The following TANC2 variants were observed in gnomAD, a reference collection of about 807,000 sequenced individuals.
TANC2 encodes the protein protein TANC2.
TANC2 carries 26 observed loss-of-function variants against 210.5 expected under a neutral mutation model. The observed-to-expected ratio is 0.12, with a 90% CI of 0.09 to 0.17. TANC2 has a LOEUF of 0.17. TANC2 is among the 10% of genes least tolerant of loss of function. The probability of loss-of-function intolerance (pLI) is 1.00; values close to 1 mark genes in which losing one functional copy is unlikely to be tolerated. For missense variants in TANC2, 2,129 were observed against 2,608.9 expected, an observed-to-expected ratio of 0.82 and a Z score of 4.01; for synonymous variants, 931 against 967.1, an observed-to-expected ratio of 0.96 and a Z score of 0.69.
At chr17:63,318,661 C>G (rs1333269572) in intron 10 of TANC2, among the ~76,000 whole-genome samples, 2 of 152,166 alleles carry the variant, frequency 1.3e-5, no homozygotes, top group Non-Finnish European at 2.9e-5. Context: ...TATCCCCGTT[C>G]TAGCATGTAT....
chr17:63,403,355 G>T (rs1220625209), intron 19 of TANC2, among the ~76,000 whole-genome samples: 1 of 152,136 alleles, frequency 6.6e-6, no homozygotes, highest in Non-Finnish European at 1.5e-5. Flanking sequence ...ATGTGGGTTA[G>T]AAATTTTCCA....
In TANC2 at chr17:63,020,268, G is replaced by GT. The variant is rs1345610608; in HGVS notation, c.67+10647dup. ...TAACAGGGCTTTTTATAAAGCAAAAGTTTTTAATATTGATGAAGTCCAATT... is the reference window on the plus strand; with the variant it reads ...TAACAGGGCTTTTTATAAAGCAAAAGTTTTTTAATATTGATGAAGTCCAATT... On this transcript the variant is annotated intron_variant, in intron 2 of 27. Coordinates refer to ENST00000689528, the Ensembl canonical transcript of TANC2. Among the ~76,000 whole-genome samples the GT allele has an allele frequency of 4.6e-5, 7 of 152,068 alleles. No individual in the cohort carries two copies. The East Asian group carries it at 1.4e-3, about 29-fold the overall frequency.
At chr17:63,225,445 A>G (rs1397698169) in intron 7 of TANC2, among the ~76,000 whole-genome samples, 1 of 152,186 alleles carries the variant, frequency 6.6e-6, no homozygotes, top group African/African-American at 2.4e-5. Flanking sequence ...CCTAAGGTTA[A>G]TAACTTTGAC....
At chr17:63,068,658 A>G (rs1020388637) in intron 2 of TANC2, among the ~76,000 whole-genome samples, 40 of 152,330 alleles carry the variant, frequency 2.6e-4, no homozygotes, top group African/African-American at 9.6e-4. Context: ...AGTATTAAGT[A>G]AAAATGGCAC....
intron 17 of TANC2, chr17:63,389,790 G>A (rs2047905199): frequency 2.0e-6 from 1 of 499,736 alleles, no homozygotes; most frequent in Non-Finnish European, 3.6e-6. Flanking sequence ...ACCACAAAAA[G>A]TTTCTACATA....
intron 4 of TANC2, chr17:63,125,288 C>G (rs1017671310): frequency 1.3e-5 from 2 of 152,196 alleles, no homozygotes; most frequent in Admixed American, 1.3e-4. Flanking sequence ...ACAACAGCCT[C>G]TAGTACATAG....
chr17:63,230,773 T>C (rs2042453957), intron 7 of TANC2, among the ~76,000 whole-genome samples: 1 of 152,236 alleles, frequency 6.6e-6, no homozygotes, highest in South Asian at 2.1e-4. Context: ...TCTGTAGCTA[T>C]CTATCAGATC....
intron 4 of TANC2, among the ~76,000 whole-genome samples, chr17:63,121,165 T>A (rs1038676414): frequency 1.2e-4 from 18 of 147,406 alleles, no homozygotes; most frequent in African/African-American, 4.3e-4. Context: ...ATCCTAGCTA[T>A]TTTTTCTCAT....
At chr17:63,361,255 C>A (rs193118841) in intron 14 of TANC2, among the ~76,000 whole-genome samples, 1 of 152,330 alleles carries the variant, frequency 6.6e-6, no homozygotes, top group East Asian at 1.9e-4. Context: ...GAGCCTTCTG[C>A]CTGAGTATTG....
intron 4 of TANC2, among the ~76,000 whole-genome samples, chr17:63,146,114 T>C (rs936441911): frequency 6.6e-6 from 1 of 152,172 alleles, no homozygotes; most frequent in African/African-American, 2.4e-5. Flanking sequence ...GCACAAGTCC[T>C]TTGTTTCCTT....
At chr17:63,155,977 A>G (rs1159949111) in intron 5 of TANC2, among the ~76,000 whole-genome samples, 1 of 152,162 alleles carries the variant, frequency 6.6e-6, no homozygotes, top group African/African-American at 2.4e-5. Flanking sequence ...GGTCATTTCC[A>G]TTAAAATCAA....
intron 1 of TANC2, among the ~76,000 whole-genome samples, chr17:62,985,853 A>G (rs1471254695): frequency 2.6e-5 from 4 of 152,014 alleles, no homozygotes; most frequent in South Asian, 2.1e-4. Flanking sequence ...CATTTTGTAT[A>G]TTTCCTTATG....
At chr17:63,156,942 G>A (rs2039861334) in intron 5 of TANC2, among the ~76,000 whole-genome samples, 1 of 152,110 alleles carries the variant, frequency 6.6e-6, no homozygotes, top group Non-Finnish European at 1.5e-5. Context: ...TCTCCCACCT[G>A]GGCCTCCCTC....
chr17:63,138,361 C>G (rs2039167088), intron 4 of TANC2, among the ~76,000 whole-genome samples: 1 of 152,198 alleles, frequency 6.6e-6, no homozygotes, highest in African/African-American at 2.4e-5. Flanking sequence ...TGTACTGTAA[C>G]TGTAGTGATA....
intron 6 of TANC2, among the ~76,000 whole-genome samples, chr17:63,197,196 A>G (rs1251863161): frequency 1.3e-5 from 2 of 152,176 alleles, no homozygotes; most frequent in Non-Finnish European, 2.9e-5. Context: ...TCATTTTCAC[A>G]TTTCTTAAGT....
At chr17:63,124,824 G>T (rs1443925117) in intron 4 of TANC2, among the ~76,000 whole-genome samples, 1 of 152,122 alleles carries the variant, frequency 6.6e-6, no homozygotes, top group Non-Finnish European at 1.5e-5. Flanking sequence ...ACCCTATTAT[G>T]AAATGCACAT....
At position 63,418,412 on chromosome 17, in the gene TANC2, GGA is replaced by G. The variant is rs146027478; in HGVS notation, c.4268+17_4268+18del. On this transcript the variant is annotated splice_donor_region_variant and intron_variant, in intron 27 of 27. Transcript: ENST00000689528. The surrounding 1 kb of genome is among the most constrained non-coding windows in gnomAD (Gnocchi z 4.6). ...AAGGGCAAAACGCAGCAGCAGGTGA[GGA>G]GAGAGAGAGAGGGTGAAAGCAAGAG... The G allele has an allele frequency of 3.3e-4, 518 of 1,593,272 alleles. No homozygotes were observed. Among genetic ancestry groups the G allele is most frequent in the Admixed American group, 8.7e-4 (51 of 58,692 alleles).
At chr17:63,116,405 T>G (rs774840407) in intron 4 of TANC2, among the ~76,000 whole-genome samples, 2 of 152,204 alleles carry the variant, frequency 1.3e-5, no homozygotes, top group Non-Finnish European at 2.9e-5. Context: ...AAGGGGGAGC[T>G]CTTCCTAATT....
chr17:63,027,747 A>T (rs1488891757), intron 2 of TANC2, among the ~76,000 whole-genome samples: 7 of 152,130 alleles, frequency 4.6e-5, no homozygotes, highest in Admixed American at 2.0e-4. Context: ...AGCAAATGAT[A>T]GTTTTAAAAT....
Sources: gnomAD v4.1 joint callset for allele counts (sites outside exome capture counted in the v4.1 genomes callset) on GRCh38, gnomAD v4.1.1 for gene constraint, Gnocchi (gnomAD v3.1) non-coding constraint, MANE v1.5 for transcripts, NCBI Gene and HGNC (gene_info 2026-07-23, HGNC 2026-07-21) for gene names.